Variants in RBFOX3 observed in about 807,000 individuals in gnomAD.
RBFOX3 encodes RNA binding fox-1 homolog 3.
A neutral mutation model predicts 48.7 loss-of-function variants in RBFOX3; 17 were observed. The observed-to-expected ratio is 0.35, with a 90% CI of 0.24 to 0.52. The LOEUF is 0.52. Ranked by LOEUF, RBFOX3 falls within the 20% of genes least tolerant of loss-of-function variation. The probability of loss-of-function intolerance (pLI) is 0.94; values close to 1 mark genes in which losing one functional copy is unlikely to be tolerated. For missense variants in RBFOX3, 382 were observed against 497.5 expected (o/e 0.77, Z 2.21); for synonymous variants, 212 against 209.5 (o/e 1.01, Z -0.10).
intron 3 of RBFOX3, among the ~76,000 whole-genome samples, chr17:79,300,622 G>C (rs1337648616): frequency 6.6e-6 from 1 of 152,140 alleles, no homozygotes. Context: ...GTGGACTGGC[G>C]TGTTCTTCTG....
intron 3 of RBFOX3, among the ~76,000 whole-genome samples, chr17:79,294,130 G>A (rs2073923463): frequency 6.6e-6 from 1 of 152,198 alleles, no homozygotes; most frequent in East Asian, 1.9e-4. Flanking sequence ...AGTCAGAAAA[G>A]CAAAGTGAAC....
At chr17:79,159,205 A>T (rs1003946942) in intron 4 of RBFOX3, among the ~76,000 whole-genome samples, 1 of 152,214 alleles carries the variant, frequency 6.6e-6, no homozygotes, top group Non-Finnish European at 1.5e-5. Flanking sequence ...CTCAATGCCC[A>T]GCACCAGGTG....
At chr17:79,095,479 C>T (rs1358324370) in intron 13 of RBFOX3, 34 bp downstream of exon 13, 2 of 1,537,310 alleles carry the variant, frequency 1.3e-6, no homozygotes, top group South Asian at 2.4e-5. Flanking sequence ...TTCTCCCCAC[C>T]CTGCTCCAGA....
Position 79,158,138 on chromosome 17 carries a change from C to T in RBFOX3, c.-33-42390G>A, listed in dbSNP as rs553480709. ...GACATAGACACACACAGACAGACGA[C>T]CATGTGAGGACACAGGGCAACGACA... On this transcript the variant is annotated intron_variant, in intron 4 of 14. Coordinates refer to ENST00000693108, the MANE Select transcript of RBFOX3 (RefSeq NM_001350451.2). Among the ~76,000 whole-genome samples, 11 of 152,262 alleles carry T rather than the reference C, an allele frequency of 7.2e-5. 1 individual carries two copies. The South Asian group carries it at 2.3e-3, about 32-fold the overall frequency.
At chr17:79,402,877 G>A (rs982792686) in intron 2 of RBFOX3, among the ~76,000 whole-genome samples, 10 of 152,150 alleles carry the variant, frequency 6.6e-5, no homozygotes, top group Non-Finnish European at 1.2e-4. Context: ...CTACCCTCCC[G>A]GATGTCGTGG....
chr17:79,213,659 G>C (rs903142668), intron 4 of RBFOX3, among the ~76,000 whole-genome samples: 13 of 152,174 alleles, frequency 8.5e-5, no homozygotes, highest in Non-Finnish European at 1.8e-4. Context: ...CTTCCCCGGG[G>C]ACTGCGACCA....
At chr17:79,150,452 G>A (rs1023437337) in intron 4 of RBFOX3, among the ~76,000 whole-genome samples, 4 of 152,244 alleles carry the variant, frequency 2.6e-5, no homozygotes, top group Non-Finnish European at 5.9e-5. Flanking sequence ...AGCCCAGGAG[G>A]TTCCTTCAGT....
Position 79,548,672 on chromosome 17 carries a change from C to T in RBFOX3, c.-320+62154G>A, listed in dbSNP as rs76564778. On this transcript the variant is annotated intron_variant, in intron 1 of 14. Transcript: ENST00000693108. ...ATTCCAGCCTGTCCAGGCAATGCAG[C>T]CCACTGCCACAAGACACTCACTAAG... Among the ~76,000 whole-genome samples the T allele has an allele frequency of 4.2e-3, 641 of 152,332 alleles. 8 individuals are homozygous for T. Among genetic ancestry groups the T allele is most frequent in the African/African-American group, 0.015 (608 of 41,574 alleles).
intron 2 of RBFOX3, among the ~76,000 whole-genome samples, chr17:79,354,986 T>C (rs536602073): frequency 6.6e-6 from 1 of 152,304 alleles, no homozygotes; most frequent in Admixed American, 6.5e-5. Context: ...TGTGGGATTA[T>C]TAATGGGTGT....
intron 2 of RBFOX3, among the ~76,000 whole-genome samples, chr17:79,411,530 T>A (rs2064338837): frequency 6.6e-6 from 1 of 152,144 alleles, no homozygotes; most frequent in African/African-American, 2.4e-5. Context: ...AGTTCCCTCC[T>A]TGGGGCTGCC....
intron 4 of RBFOX3, among the ~76,000 whole-genome samples, chr17:79,118,645 A>G (rs1333548649): frequency 3.3e-5 from 5 of 151,472 alleles, no homozygotes; most frequent in African/African-American, 1.2e-4. Flanking sequence ...CTTCCCAGCA[A>G]CCCCCTCCTC....
rs58040659 is a variant in RBFOX3, at chr17:79,356,348, G to GTTTTTTTTTTTTT, written c.-174-48537_-174-48525dup. Among the ~76,000 whole-genome samples the GTTTTTTTTTTTTT allele has an allele frequency of 2.9e-3, 136 of 47,318 alleles. 18 individuals are homozygous for GTTTTTTTTTTTTT. The highest frequency in any genetic ancestry group is 4.1e-3 in the Non-Finnish European group (99 of 24,432). The allele number at this position is 47,318 out of a possible 152,430, so 31.0% of individuals were successfully genotyped here. ...ACTTTTTCACTTTTAAAACAGGGAA[G>GTTTTTTTTTTTTT]TTTTTTTTTTTTTTTTTTTTTTTTT... On this transcript the variant is annotated intron_variant, in intron 2 of 14. Transcript: ENST00000693108.
At chr17:79,304,101 C>G (rs1423019886) in intron 3 of RBFOX3, among the ~76,000 whole-genome samples, 1 of 152,072 alleles carries the variant, frequency 6.6e-6, no homozygotes, top group African/African-American at 2.4e-5. Flanking sequence ...TTTTCTAACT[C>G]CTGTTTGGAA....
In RBFOX3 at chr17:79,467,148, G is replaced by A. The variant is rs377389034; in HGVS notation, c.-175+15306C>T. On this transcript the variant is annotated intron_variant, in intron 2 of 14. Coordinates refer to ENST00000693108, the MANE Select transcript of RBFOX3 (RefSeq NM_001350451.2). ...GCATCACCTGCCAGGTCTGGGTCCGGGAGGCCCTCCTCACACCTGGTGGCA... is the reference window on the plus strand; with the variant it reads ...GCATCACCTGCCAGGTCTGGGTCCGAGAGGCCCTCCTCACACCTGGTGGCA... Among the ~76,000 whole-genome samples the A allele has an allele frequency of 3.2e-4, 49 of 152,196 alleles. No homozygotes were observed. The East Asian group carries it at 9.6e-3, about 30-fold the overall frequency.
chr17:79,301,521 C>T (rs935515600), intron 3 of RBFOX3, among the ~76,000 whole-genome samples: 1 of 152,254 alleles, frequency 6.6e-6, no homozygotes, highest in South Asian at 2.1e-4. Flanking sequence ...TAAAGGCCAT[C>T]CACAGGCCAG....
intron 4 of RBFOX3, among the ~76,000 whole-genome samples, chr17:79,177,470 C>T (rs1271117081): frequency 6.6e-6 from 1 of 152,196 alleles, no homozygotes. Flanking sequence ...ATGGCTGCAG[C>T]GTTCTCCCCT....
intron 4 of RBFOX3, among the ~76,000 whole-genome samples, chr17:79,117,186 G>A (rs56209714): frequency 0.12 from 18,008 of 152,298 alleles, 1,282 homozygotes; most frequent in South Asian, 0.22. Flanking sequence ...AGGAGTCTGC[G>A]GTGAGGAGGC....
At chr17:79,545,948 G>A (rs2090370953) in intron 1 of RBFOX3, among the ~76,000 whole-genome samples, 1 of 152,178 alleles carries the variant, frequency 6.6e-6, no homozygotes, top group African/African-American at 2.4e-5. Context: ...GTGTGTGTGT[G>A]CACGTGTGTG....
chr17:79,428,950 C>A (rs1231235186), intron 2 of RBFOX3, among the ~76,000 whole-genome samples: 1 of 152,334 alleles, frequency 6.6e-6, no homozygotes, highest in East Asian at 1.9e-4. Context: ...GAGTGGCTGA[C>A]TCCCTCTTTA....
Sources: allele counts gnomAD v4.1 joint callset (sites outside exome capture counted in the v4.1 genomes callset), GRCh38; gene constraint gnomAD v4.1.1; transcripts MANE v1.5; gene names NCBI Gene and HGNC (gene_info 2026-07-23, HGNC 2026-07-21).